Variants in PDE1C observed in about 807,000 individuals in gnomAD.
PDE1C encodes the protein phosphodiesterase 1C.
Under a neutral mutation model 93.1 loss-of-function variants are expected in PDE1C, and 62 were observed. That is an observed-to-expected ratio of 0.67 (90% CI 0.54 to 0.82). PDE1C has a LOEUF of 0.82. Among genes scored for constraint, PDE1C ranks in the 40% least tolerant of loss-of-function variants. The pLI is 0.00. For synonymous variants in PDE1C, 325 were observed against 310.1 expected, an observed-to-expected ratio of 1.05 and a Z score of -0.50; for missense variants, 742 against 884.6, an observed-to-expected ratio of 0.84 and a Z score of 2.04.
chr7:32,335,704 TTTTG>T (rs1031042968), intron 1 of PDE1C, among the ~76,000 whole-genome samples: 6 of 138,298 alleles, frequency 4.3e-5, no homozygotes, highest in African/African-American at 1.7e-4. Flanking sequence ...TTACCTCTGT[TTTTG>T]TTTTTTTGTT....
the PDE1C span, among the ~76,000 whole-genome samples, chr7:31,712,334 A>G: frequency 6.6e-6 from 1 of 152,258 alleles, no homozygotes. Context: ...CAAGCCTAAC[A>G]GCCTAAGTTT....
the PDE1C span, among the ~76,000 whole-genome samples, chr7:31,716,572 C>T: frequency 6.6e-6 from 1 of 152,162 alleles, no homozygotes; most frequent in East Asian, 1.9e-4. Context: ...AATAGATGTG[C>T]ACCATGATCA....
intron 16 of PDE1C, among the ~76,000 whole-genome samples, chr7:31,780,290 C>A (rs565237289): frequency 6.6e-6 from 1 of 152,290 alleles, no homozygotes; most frequent in East Asian, 1.9e-4. Flanking sequence ...TCTGAAACAA[C>A]TGGTGTGCTC....
intron 3 of PDE1C, among the ~76,000 whole-genome samples, chr7:32,155,448 T>C (rs1162711842): frequency 6.6e-6 from 1 of 152,120 alleles, no homozygotes; most frequent in Admixed American, 6.5e-5. Flanking sequence ...GTGACTGGAT[T>C]AGGGATAAGA....
At chr7:31,729,077 A>G in the PDE1C span, among the ~76,000 whole-genome samples, 3 of 152,240 alleles carry the variant, frequency 2.0e-5, no homozygotes, top group Non-Finnish European at 4.4e-5. Context: ...TCCCCATCAG[A>G]AAAATATAAA....
chr7:31,815,992 T>A lies in PDE1C; in HGVS notation c.1745A>T (p.Asn582Ile), dbSNP rs1788204534. The A allele has an allele frequency of 6.2e-7, 1 of 1,613,920 alleles. No homozygotes were observed. The highest frequency in any genetic ancestry group is 1.3e-5 in the African/African-American group (1 of 74,916). The part of the protein sequence containing the change: ...TKNQVNGTRA[N>I]KSDNPRGKNS... ...TTTCCCACGAGGGTTGTCACTTTTGTTTGCCCGTGTTCCATTGACTTGATT... is the reference window on the plus strand; with the variant it reads ...TTTCCCACGAGGGTTGTCACTTTTGATTGCCCGTGTTCCATTGACTTGATT... The change falls in exon 15 of 18, where the codon AAC (asparagine) becomes ATC (isoleucine). Residue 582 changes from asparagine (N) to isoleucine (I), a missense_variant. Physicochemically the swap from Asn to Ile is moderately radical, Grantham distance 149 (BLOSUM62 -3). Transcript: ENST00000396191.
rs1201944312 is a variant in PDE1C, at chr7:31,823,129, G to C, written c.1526C>G (p.Thr509Ser). 3 of 1,613,168 alleles carry C rather than the reference G, an allele frequency of 1.9e-6. No individual in the cohort carries two copies. Among genetic ancestry groups the C allele is most frequent in the Non-Finnish European group, 2.5e-6 (3 of 1,179,478 alleles). ...ATTGATGTGCACCACTTCCGTCCAA[G>C]TAGCTTTAAAGCTCTTATAGTCAAC... ...ISVDYKSFKA[T>S]WTEVVHINRE... is the part of the protein sequence containing the mutation. Residue 509 changes from threonine (T) to serine (S), a missense_variant, in exon 14 of 18, where the codon ACT becomes AGT. Transcript: ENST00000396191.
intron 12 of PDE1C, among the ~76,000 whole-genome samples, chr7:31,826,423 G>A (rs573233816): frequency 1.5e-4 from 23 of 152,284 alleles, no homozygotes; most frequent in African/African-American, 5.3e-4. Flanking sequence ...TGTGTAGTAT[G>A]TATTGTGTAT....
chr7:32,081,041 G>A (rs1250392258), intron 3 of PDE1C, among the ~76,000 whole-genome samples: 2 of 152,168 alleles, frequency 1.3e-5, no homozygotes, highest in African/African-American at 4.8e-5. Context: ...TAATTAACAT[G>A]GAAAGCCAAT....
chr7:32,313,513 A>G (rs1260344239), intron 1 of PDE1C, among the ~76,000 whole-genome samples: 1 of 152,050 alleles, frequency 6.6e-6, no homozygotes, highest in East Asian at 1.9e-4. Flanking sequence ...CAAATGTCCA[A>G]CAACGATAGA....
chr7:31,790,692 C>T (rs552036921), intron 16 of PDE1C, among the ~76,000 whole-genome samples: 2 of 152,096 alleles, frequency 1.3e-5, no homozygotes, highest in East Asian at 3.9e-4. Context: ...ATTCTTGCCC[C>T]ACCCTCAGAA....
At chr7:31,700,412 G>A in the PDE1C span, among the ~76,000 whole-genome samples, 55 of 152,266 alleles carry the variant, frequency 3.6e-4, no homozygotes, top group African/African-American at 1.3e-3. Flanking sequence ...GAGGAAGCTA[G>A]CAGAGAAGAA....
intron 1 of PDE1C, among the ~76,000 whole-genome samples, chr7:32,385,440 G>C (rs1179074068): frequency 6.6e-6 from 1 of 152,038 alleles, no homozygotes; most frequent in Non-Finnish European, 1.5e-5. Flanking sequence ...GCTGAAATAT[G>C]GGACAGGGAT....
chr7:32,219,701 G>A (rs1452222552), intron 1 of PDE1C, among the ~76,000 whole-genome samples: 1 of 152,190 alleles, frequency 6.6e-6, no homozygotes, highest in African/African-American at 2.4e-5. Context: ...GGCTCGCATG[G>A]GGCCCCCTGC....
intron 1 of PDE1C, among the ~76,000 whole-genome samples, chr7:32,364,821 G>A (rs1784200362): frequency 6.6e-6 from 1 of 152,206 alleles, no homozygotes; most frequent in South Asian, 2.1e-4. Flanking sequence ...ATCCCACACT[G>A]GTAGCTGAAT....
intron 1 of PDE1C, among the ~76,000 whole-genome samples, chr7:32,341,173 C>CTATTTTTTATTTTT (rs796122014): frequency 2.4e-4 from 20 of 84,948 alleles, no homozygotes; most frequent in South Asian, 6.0e-4. Context: ...GAAATAAAGT[C>CTATTTTTTATTTTT]TTTTTTTTTT....
chr7:32,198,615 G>C (rs1804781826), intron 2 of PDE1C, among the ~76,000 whole-genome samples: 2 of 152,258 alleles, frequency 1.3e-5, no homozygotes, highest in South Asian at 2.1e-4. Flanking sequence ...TTACATTTGT[G>C]TCCTAGGCAG....
At chr7:32,098,383 G>T (rs529914703) in intron 3 of PDE1C, among the ~76,000 whole-genome samples, 1 of 151,936 alleles carries the variant, frequency 6.6e-6, no homozygotes, top group African/African-American at 2.4e-5. Context: ...TCTCTTTAAG[G>T]ACAGAGAAAT....
chr7:32,393,078 CAT>C (rs1483351152), intron 1 of PDE1C, among the ~76,000 whole-genome samples: 1 of 125,332 alleles, frequency 8.0e-6, no homozygotes, highest in African/African-American at 2.9e-5. Flanking sequence ...AAAAAGCACA[CAT>C]ATACATTCAG....
Sources: allele counts gnomAD v4.1 joint callset (sites outside exome capture counted in the v4.1 genomes callset), GRCh38; gene constraint gnomAD v4.1.1; transcripts MANE v1.5; gene names NCBI Gene and HGNC (gene_info 2026-07-23, HGNC 2026-07-21).